The following DYM variants were observed in gnomAD, a reference collection of about 807,000 sequenced individuals.
DYM encodes dyggve-Melchior-Clausen syndrome protein.
Under a neutral mutation model 93.1 loss-of-function variants are expected in DYM, and 78 were observed. The observed-to-expected ratio is 0.84, with a 90% CI of 0.70 to 1.01. The LOEUF is 1.01. DYM is among the 50% of genes least tolerant of loss of function. The pLI is 0.00. For missense variants in DYM, 789 were observed against 845.0 expected (o/e 0.93, Z 0.82); for synonymous variants, 321 against 319.7 (o/e 1.00, Z -0.04).
At chr18:49,118,701 T>A (rs759406446) in intron 16 of DYM, 43 bp downstream of exon 16, 1 of 1,558,496 alleles carries the variant, frequency 6.4e-7, no homozygotes, top group Non-Finnish European at 8.8e-7. Context: ...TCTGCTTTAA[T>A]ACTTAAAAAA....
chr18:49,316,489 G>A (rs1215558709), intron 8 of DYM, among the ~76,000 whole-genome samples: 1 of 152,158 alleles, frequency 6.6e-6, no homozygotes, highest in Non-Finnish European at 1.5e-5. Flanking sequence ...TTACTGCAAT[G>A]ATACTTACGC....
intron 13 of DYM, among the ~76,000 whole-genome samples, chr18:49,243,666 C>A (rs376639763): frequency 4.8e-3 from 548 of 113,900 alleles, no homozygotes; most frequent in East Asian, 6.0e-3. Flanking sequence ...GGCTCTGTCT[C>A]AAAAAAAAAA....
chr18:49,271,515 A>G (rs1191315742), intron 11 of DYM, among the ~76,000 whole-genome samples: 1 of 152,120 alleles, frequency 6.6e-6, no homozygotes, highest in Non-Finnish European at 1.5e-5. Context: ...AGAAATCACA[A>G]TATAAGTATG....
At chr18:49,419,088 C>T (rs184172615) in intron 2 of DYM, among the ~76,000 whole-genome samples, 3 of 152,102 alleles carry the variant, frequency 2.0e-5, no homozygotes, top group Non-Finnish European at 2.9e-5. Context: ...GGTGGCCAGG[C>T]GCAGTGGCTC....
At chr18:49,054,036 A>C (rs2075260123) in intron 17 of DYM, among the ~76,000 whole-genome samples, 1 of 152,092 alleles carries the variant, frequency 6.6e-6, no homozygotes, top group Admixed American at 6.5e-5. Flanking sequence ...TGGACAGCAA[A>C]CTCTGGGAGA....
At chr18:49,371,389 T>A (rs1199332031) in intron 5 of DYM, among the ~76,000 whole-genome samples, 2 of 152,086 alleles carry the variant, frequency 1.3e-5, no homozygotes, top group Non-Finnish European at 2.9e-5. Context: ...CCTGTAGCCC[T>A]AGCTATTCAG....
intron 16 of DYM, among the ~76,000 whole-genome samples, chr18:49,107,325 T>A (rs1451293377): frequency 2.6e-5 from 4 of 152,176 alleles, no homozygotes; most frequent in African/African-American, 7.2e-5. Context: ...TTTTCACGAT[T>A]TTTAACTTCT....
chr18:49,453,283 G>A (rs943854850), intron 1 of DYM, among the ~76,000 whole-genome samples: 6 of 152,100 alleles, frequency 3.9e-5, no homozygotes, highest in African/African-American at 1.2e-4. Flanking sequence ...GGATGTGGGT[G>A]GGGCCAGATA....
chr18:49,441,138 ATATTATATAATATAAT>A (rs1400932275), intron 1 of DYM, among the ~76,000 whole-genome samples: 292 of 3,192 alleles, frequency 0.091, 44 homozygotes, highest in Non-Finnish European at 0.23. Flanking sequence ...TTATATAAAT[ATATTATATAATATAAT>A]ATATATTATA....
At chr18:49,259,726 A>C (rs1235636217) in intron 11 of DYM, among the ~76,000 whole-genome samples, 2 of 152,240 alleles carry the variant, frequency 1.3e-5, no homozygotes, top group Admixed American at 6.5e-5. Context: ...ACATGAAATT[A>C]TACGGAAGAT....
At chr18:49,388,947 T>C (rs1200245863) in intron 3 of DYM, among the ~76,000 whole-genome samples, 10 of 148,394 alleles carry the variant, frequency 6.7e-5, no homozygotes, top group East Asian at 2.0e-4. Context: ...AGAAGGAAAA[T>C]TGTTGCCAGT....
chr18:49,132,305 C>G (rs1345481365), intron 15 of DYM, among the ~76,000 whole-genome samples: 1 of 152,072 alleles, frequency 6.6e-6, no homozygotes, highest in African/African-American at 2.4e-5. Context: ...GTTCATTAAA[C>G]TACTTTTGTG....
rs59748721 is a variant in DYM at position 49,243,666 on chromosome 18, C to CAAA, written c.1460+13341_1460+13343dup. 8.9e-4 allele frequency among the ~76,000 whole-genome samples: 102 copies of CAAA among 114,184 alleles called. 1 individual carries two copies. The highest frequency in any genetic ancestry group is 1.4e-3 in the East Asian group (5 of 3,664). The allele number at this position is 114,184 out of a possible 152,430, so 74.9% of individuals were successfully genotyped here. A position where few individuals can be genotyped will look rare whatever the true frequency, so the allele number is the denominator to read the frequency against. ...TGGGTGACAAAGCAAGGCTCTGTCT[C>CAAA]AAAAAAAAAAAAAAAGAAAAAAGAA... On this transcript the variant is annotated intron_variant, in intron 13 of 17. Transcript: ENST00000675505.
At chr18:49,192,790 T>C (rs1167755150) in intron 14 of DYM, among the ~76,000 whole-genome samples, 2 of 152,302 alleles carry the variant, frequency 1.3e-5, no homozygotes, top group East Asian at 3.9e-4. Context: ...ATTTTAGGAT[T>C]ATTTTTCTAT....
intron 13 of DYM, among the ~76,000 whole-genome samples, chr18:49,245,270 GCACCCTGAAAAAGAA>G (rs977453247): frequency 2.0e-5 from 3 of 152,172 alleles, no homozygotes; most frequent in African/African-American, 7.2e-5. Flanking sequence ...TGAAATCAGT[GCACCCTGAAAAAGAA>G]CAGAATAACA....
chr18:49,076,718 C>G (rs894569059), intron 17 of DYM, among the ~76,000 whole-genome samples: 1 of 152,196 alleles, frequency 6.6e-6, no homozygotes, highest in Non-Finnish European at 1.5e-5. Flanking sequence ...CAGCCCTGAT[C>G]ACTTTTTAAC....
chr18:49,420,021 G>C (rs2073464233), intron 2 of DYM, among the ~76,000 whole-genome samples: 1 of 152,122 alleles, frequency 6.6e-6, no homozygotes, highest in African/African-American at 2.4e-5. Context: ...TGATGCTATA[G>C]CTCATCCCCA....
At chr18:49,122,520 G>A (rs1203457832) in intron 15 of DYM, among the ~76,000 whole-genome samples, 1 of 152,214 alleles carries the variant, frequency 6.6e-6, no homozygotes, top group African/African-American at 2.4e-5. Context: ...AACTGAGGAG[G>A]TGATGCTAAT....
intron 15 of DYM, among the ~76,000 whole-genome samples, chr18:49,125,816 A>G (rs943977797): frequency 6.6e-5 from 10 of 152,158 alleles, no homozygotes; most frequent in African/African-American, 2.4e-4. Context: ...CATTCTTTCT[A>G]TGCAGTACAG....
Sources: gnomAD v4.1 joint callset for allele counts (sites outside exome capture counted in the v4.1 genomes callset) on GRCh38, gnomAD v4.1.1 for gene constraint, MANE v1.5 for transcripts, NCBI Gene and HGNC (gene_info 2026-07-23, HGNC 2026-07-21) for gene names.